FIBCD1: variants seen among roughly 807,000 people sequenced by gnomAD.
FIBCD1 encodes the protein fibrinogen C domain containing 1.
A neutral mutation model predicts 45.1 loss-of-function variants in FIBCD1; 47 were observed. That is an observed-to-expected ratio of 1.04 (90% CI 0.82 to 1.33). The LOEUF (loss-of-function observed/expected upper bound fraction) is 1.33. Ranked by LOEUF, FIBCD1 falls within the 40% of genes most tolerant of loss-of-function variation. The probability of loss-of-function intolerance (pLI) is 0.00; values close to 1 mark genes in which losing one functional copy is unlikely to be tolerated. For synonymous variants in FIBCD1, 313 were observed against 308.1 expected, an observed-to-expected ratio of 1.02 and a Z score of -0.17; for missense variants, 653 against 682.2, an observed-to-expected ratio of 0.96 and a Z score of 0.48.
At chr9:130,907,371 C>T (rs1010683015) in intron 5 of FIBCD1, among the ~76,000 whole-genome samples, 3 of 152,226 alleles carry the variant, frequency 2.0e-5, no homozygotes, top group African/African-American at 7.2e-5. Context: ...CTCCAGCTCT[C>T]CCAGCTTTTC....
At chr9:130,936,162 C>T (rs1832517095) in intron 1 of FIBCD1, 1 of 152,348 alleles carries the variant, frequency 6.6e-6, no homozygotes, top group South Asian at 2.1e-4. Context: ...ATTGCTGTTC[C>T]CACTTTACAG....
chr9:130,932,204 G>A (rs1436482095), intron 1 of FIBCD1, among the ~76,000 whole-genome samples: 1 of 152,202 alleles, frequency 6.6e-6, no homozygotes, highest in East Asian at 1.9e-4. Context: ...TAGAAGATGA[G>A]GCAGAGGAAA....
upstream of FIBCD1, among the ~76,000 whole-genome samples, chr9:130,939,662 C>G (rs575890072): frequency 1.2e-4 from 18 of 152,108 alleles, 1 homozygote; most frequent in East Asian, 3.5e-3. Context: ...GCCGCGCTCC[C>G]GGCCGATCGC....
At chr9:130,940,342 A>G (rs1240649674), upstream of FIBCD1, among the ~76,000 whole-genome samples, 1 of 152,226 alleles carries the variant, frequency 6.6e-6, no homozygotes, top group African/African-American at 2.4e-5. Flanking sequence ...TTCCAGGACA[A>G]CCGCTGGCCT....
At chr9:130,914,671 G>C (rs1335675738) in intron 4 of FIBCD1, among the ~76,000 whole-genome samples, 1 of 152,212 alleles carries the variant, frequency 6.6e-6, no homozygotes, top group African/African-American at 2.4e-5. Flanking sequence ...AGAAGCCCCG[G>C]TAGCCCAGAC....
chr9:130,906,848 C>T (rs553071432), intron 5 of FIBCD1, among the ~76,000 whole-genome samples: 43 of 152,302 alleles, frequency 2.8e-4, no homozygotes, highest in East Asian at 1.9e-3. Context: ...AATCCCTGGG[C>T]GGCTCTTCTG....
intron 5 of FIBCD1, among the ~76,000 whole-genome samples, chr9:130,909,049 G>T (rs1348024705): frequency 6.6e-6 from 1 of 152,074 alleles, no homozygotes; most frequent in African/African-American, 2.4e-5. Context: ...CAGCCTCTCA[G>T]GTGGTGCTTC....
intron 1 of FIBCD1, among the ~76,000 whole-genome samples, chr9:130,933,594 A>G (rs1373834206): frequency 6.6e-6 from 1 of 152,162 alleles, no homozygotes; most frequent in Non-Finnish European, 1.5e-5. Context: ...AGCCTTGGCC[A>G]AAAGGAGGAT....
intron 1 of FIBCD1, among the ~76,000 whole-genome samples, chr9:130,937,237 G>C (rs1832531855): frequency 6.6e-6 from 1 of 152,150 alleles, no homozygotes; most frequent in Admixed American, 6.6e-5. Flanking sequence ...GGGTGGCTTA[G>C]GTGCAGACCT....
intron 4 of FIBCD1, among the ~76,000 whole-genome samples, chr9:130,912,113 T>A (rs1204670623): frequency 6.6e-6 from 1 of 151,756 alleles, no homozygotes; most frequent in East Asian, 2.0e-4. Flanking sequence ...ATTAACCAAA[T>A]GCCCACAGGC....
At chr9:130,912,400 A>G (rs1832072775) in intron 4 of FIBCD1, among the ~76,000 whole-genome samples, 1 of 143,232 alleles carries the variant, frequency 7.0e-6, no homozygotes, top group East Asian at 2.0e-4. Context: ...CTCAAAAAAA[A>G]AAAAAAAAAA....
chr9:130,929,149 C>T (rs111486239), intron 2 of FIBCD1, among the ~76,000 whole-genome samples: 25 of 152,196 alleles, frequency 1.6e-4, no homozygotes, highest in Admixed American at 1.2e-3. Flanking sequence ...TGGGGTGCGG[C>T]TCTGAGGGGG....
chr9:130,911,003 G>C (rs1308084089), intron 5 of FIBCD1, among the ~76,000 whole-genome samples: 1 of 152,198 alleles, frequency 6.6e-6, no homozygotes, highest in Non-Finnish European at 1.5e-5. Context: ...AGACCACTGG[G>C]CTCTACCAAG....
intron 3 of FIBCD1, 131 bp from the exon 4 acceptor site, chr9:130,924,011 C>A: frequency 7.0e-7 from 1 of 1,421,150 alleles, no homozygotes. Context: ...GCCTTGGAGT[C>A]CGACCTTGGC....
Position 130,906,386 on chromosome 9 carries a change from C to A in FIBCD1, c.947-973G>T, listed in dbSNP as rs762759233. On this transcript the variant is annotated intron_variant, in intron 5 of 6. Coordinates refer to ENST00000372338, the MANE Select transcript of FIBCD1 (RefSeq NM_032843.5). ...TGCCTCTCCCCGGCTCCGCACCTCC[C>A]GGGGTCAGTGTGTGCTGGCTGGAGG... Among the ~76,000 whole-genome samples the A allele has an allele frequency of 5.9e-5, 9 of 152,348 alleles. No individual in the cohort carries two copies. The East Asian group carries it at 1.7e-3, about 29-fold the overall frequency.
At chr9:130,907,234 G>A (rs1249109206) in intron 5 of FIBCD1, among the ~76,000 whole-genome samples, 1 of 151,922 alleles carries the variant, frequency 6.6e-6, no homozygotes, top group African/African-American at 2.4e-5. Context: ...CGGTGTCCCG[G>A]GGGCTGCTAG....
chr9:130,915,024 G>A (rs529210063), intron 4 of FIBCD1, among the ~76,000 whole-genome samples: 40 of 152,254 alleles, frequency 2.6e-4, no homozygotes, highest in Non-Finnish European at 4.6e-4. Context: ...ACTACATCTT[G>A]TGCCCTCAGT....
intron 4 of FIBCD1, among the ~76,000 whole-genome samples, chr9:130,918,250 C>G (rs1832200079): frequency 6.6e-6 from 1 of 152,238 alleles, no homozygotes; most frequent in Non-Finnish European, 1.5e-5. Flanking sequence ...GAGTGAGTCC[C>G]TCTGCTGGGG....
At chr9:130,933,399 C>A (rs1394268394) in intron 1 of FIBCD1, among the ~76,000 whole-genome samples, 1 of 152,070 alleles carries the variant, frequency 6.6e-6, no homozygotes, top group Non-Finnish European at 1.5e-5. Context: ...ACACAGAGCC[C>A]CCAGCTCCCA....
Sources: allele counts gnomAD v4.1 joint callset (sites outside exome capture counted in the v4.1 genomes callset), GRCh38; gene constraint gnomAD v4.1.1; transcripts MANE v1.5; gene names NCBI Gene and HGNC (gene_info 2026-07-23, HGNC 2026-07-21).